The following UBE3B variants were observed in gnomAD, a reference collection of about 807,000 sequenced individuals.
UBE3B encodes the protein ubiquitin-protein ligase E3B.
In UBE3B, 80 loss-of-function variants were observed where a neutral mutation model predicts 132.3. The ratio of observed to expected loss-of-function variants is 0.60; its 90% confidence interval spans 0.50 to 0.73. The LOEUF is 0.73. UBE3B is among the 30% of genes least tolerant of loss of function. The probability of loss-of-function intolerance (pLI) is 0.00; values close to 1 mark genes in which losing one functional copy is unlikely to be tolerated. For missense variants in UBE3B, 1,196 were observed against 1,362.5 expected (o/e 0.88, Z 1.92); for synonymous variants, 487 against 520.4 (o/e 0.94, Z 0.87).
rs549733925 is a variant in UBE3B, at chr12:109,528,495, G to A, written c.2628-1395G>A. ...TTTAGCATTGTAAAACATTTATTTG[G>A]ACTCTACTGATTTGGAATTGGTGAG... On this transcript the variant is annotated intron_variant, in intron 24 of 27. Coordinates refer to ENST00000342494, the MANE Select transcript of UBE3B (RefSeq NM_130466.4). 7.1e-6 allele frequency: 7 copies of A among 985,066 alleles called. No individual in the cohort carries two copies. In the African/African-American group the frequency reaches 8.7e-5, roughly 12 times the overall value. 61.0% of individuals were successfully genotyped at this position (985,066 alleles called of 1,614,324 possible).
the UBE3B span, among the ~76,000 whole-genome samples, chr12:109,547,238 C>T: frequency 6.6e-6 from 1 of 152,232 alleles, no homozygotes; most frequent in Admixed American, 6.5e-5. This position sits in a 1 kb window ranked among gnomAD's most constrained non-coding sequence, Gnocchi z 4.1. Flanking sequence ...ATTCAGATTC[C>T]AGAACTAGAC....
Position 109,499,810 on chromosome 12 carries a change from GGTGAGTCCCAGAT to G in UBE3B, c.1118+2_1118+14del. 6.3e-7 allele frequency: 1 copy of G among 1,595,302 alleles called. No homozygotes were observed. Among genetic ancestry groups the G allele is most frequent in the Non-Finnish European group, 8.5e-7 (1 of 1,169,672 alleles). On this transcript the variant is annotated splice_donor_variant and splice_donor_5th_base_variant and intron_variant, in intron 12 of 27. Coordinates refer to ENST00000342494, the MANE Select transcript of UBE3B (RefSeq NM_130466.4). LOFTEE classifies it high-confidence loss of function. The stretch of plus-strand genomic sequence containing the variant: ...TGGTTCTCCCAATCTGTGGATTATG[GGTGAGTCCCAGAT>G]GCAAATCACTGTCTTTCCTGCCTCT...
rs376752676 is a variant in UBE3B, at chr12:109,483,683, C to T, written c.132C>T (p.Leu44=). 4.3e-6 allele frequency: 7 copies of T among 1,609,540 alleles called. No homozygotes were observed. Among genetic ancestry groups the T allele is most frequent in the Non-Finnish European group, 5.9e-6 (7 of 1,178,220 alleles). Residue 44 remains leucine (L), a synonymous_variant, in exon 3 of 28, where the codon CTC becomes CTT. Transcript: ENST00000342494. ...TCCAGGCCCATGTCCGGAGTTTTCT[C>T]TGTCGGAGTCGACTGCAGAGAGATA... The part of the protein sequence containing the change: ...VVIQAHVRSF[L]CRSRLQRDIR...
At chr12:109,488,452 C>G (rs971487441) in intron 6 of UBE3B, 120 bp from the exon 7 acceptor site, 1 of 899,912 alleles carries the variant, frequency 1.1e-6, no homozygotes, top group Non-Finnish European at 1.8e-6. Context: ...TTAAGACTGA[C>G]TTATAATCCT....
chr12:109,495,571 G>A (rs1200335388), intron 9 of UBE3B, among the ~76,000 whole-genome samples: 1 of 152,186 alleles, frequency 6.6e-6, no homozygotes, highest in East Asian at 1.9e-4. Flanking sequence ...TGTGGAGTAG[G>A]AAATCAGGGG....
chr12:109,498,214 G>A lies in UBE3B; in HGVS notation c.820-19G>A, dbSNP rs538009402. The A allele has an allele frequency of 7.1e-5, 115 of 1,612,738 alleles. No homozygotes were observed. Among genetic ancestry groups the A allele is most frequent in the Non-Finnish European group, 8.5e-5 (100 of 1,179,408 alleles). ...TGTTTCTGGCAGTTTCTGATTTAAC[G>A]GTCTGCTATTCTTTGCAGCGCCTCA... On this transcript the variant is annotated intron_variant, in intron 10 of 27. Coordinates refer to ENST00000342494, the MANE Select transcript of UBE3B (RefSeq NM_130466.4).
intron 1 of UBE3B, among the ~76,000 whole-genome samples, chr12:109,481,387 T>C (rs1297110731): frequency 6.6e-6 from 1 of 152,202 alleles, no homozygotes; most frequent in Non-Finnish European, 1.5e-5. Flanking sequence ...CTAAGTTATT[T>C]TGCTTCCCAT....
rs1016008576 is a variant in UBE3B, at chr12:109,534,884, T to C, written c.*102T>C. The C allele has an allele frequency of 7.6e-6, 8 of 1,058,928 alleles. No homozygotes were observed. Among genetic ancestry groups the C allele is most frequent in the East Asian group, 5.5e-5 (2 of 36,538 alleles). The allele number at this position is 1,058,928 out of a possible 1,614,324, so 65.6% of individuals were successfully genotyped here. On this transcript the variant is annotated 3_prime_UTR_variant, in exon 28 of 28. Coordinates refer to ENST00000342494, the MANE Select transcript of UBE3B (RefSeq NM_130466.4). The surrounding 1 kb of genome is among the most constrained non-coding windows in gnomAD (Gnocchi z 5.2). Reference sequence around the variant, plus strand: ...AATGTGACCAACATGCCAGGTGACATTGGCCCCTAGACCCTCTCTATAGCC... The same window carrying C: ...AATGTGACCAACATGCCAGGTGACACTGGCCCCTAGACCCTCTCTATAGCC...
chr12:109,477,680 G>T lies in UBE3B; in HGVS notation c.-557G>T. 1 of 202,144 alleles carries T rather than the reference G, an allele frequency of 4.9e-6. No homozygotes were observed. Among genetic ancestry groups the T allele is most frequent in the South Asian group, 6.7e-5 (1 of 14,868 alleles). 12.5% of individuals were successfully genotyped at this position (202,144 alleles called of 1,614,324 possible). Reference sequence around the variant, plus strand: ...CGGTAGTGCGTCGGCTGCTGCCCCGGGTCTGGCAGAACTCGGGTGTTTTGG... The same window carrying T: ...CGGTAGTGCGTCGGCTGCTGCCCCGTGTCTGGCAGAACTCGGGTGTTTTGG... On this transcript the variant is annotated 5_prime_UTR_variant, in exon 1 of 28. Transcript: ENST00000342494.
chr12:109,547,789 C>T, the UBE3B span, among the ~76,000 whole-genome samples: 7 of 152,030 alleles, frequency 4.6e-5, no homozygotes, highest in Admixed American at 3.3e-4. This position sits in a 1 kb window ranked among gnomAD's most constrained non-coding sequence, Gnocchi z 4.1. Context: ...GCGCGTGCTC[C>T]CTTATTGCAA....
chr12:109,539,968 A>G (rs552406939), downstream of UBE3B, among the ~76,000 whole-genome samples: 7 of 151,690 alleles, frequency 4.6e-5, no homozygotes, highest in South Asian at 1.1e-3. Flanking sequence ...GCATACTGGG[A>G]TGGGGTCTGT....
In UBE3B at chr12:109,521,668, G is replaced by C; in HGVS notation, c.2364+117G>C. 1 of 939,410 alleles carries C rather than the reference G, an allele frequency of 1.1e-6. No individual in the cohort carries two copies. The highest frequency in any genetic ancestry group is 1.5e-6 in the Non-Finnish European group (1 of 654,670). 58.2% of individuals were successfully genotyped at this position (939,410 alleles called of 1,614,324 possible). A position where few individuals can be genotyped will look rare whatever the true frequency, so the allele number is the denominator to read the frequency against. On this transcript the variant is annotated intron_variant, in intron 21 of 27. Coordinates refer to ENST00000342494, the MANE Select transcript of UBE3B (RefSeq NM_130466.4). The surrounding 1 kb of genome is among the most constrained non-coding windows in gnomAD (Gnocchi z 4.2). ...TGTAAACTGTCACTAGGATACAAGC[G>C]AGGACAGGGGCAGGAACCAAGGTTT...
chr12:109,547,672 G>A, the UBE3B span, among the ~76,000 whole-genome samples: 3 of 152,140 alleles, frequency 2.0e-5, no homozygotes, highest in African/African-American at 4.8e-5. This position sits in a 1 kb window ranked among gnomAD's most constrained non-coding sequence, Gnocchi z 4.1. Flanking sequence ...AACCCACAGC[G>A]AAACCACGTT....
At chr12:109,507,477 AGT>A in intron 14 of UBE3B, 85 bp from the exon 15 acceptor site, 5 of 1,401,528 alleles carry the variant, frequency 3.6e-6, no homozygotes, top group Non-Finnish European at 4.9e-6. Context: ...GATAGGTTTA[AGT>A]GTTTTGTTTC....
At chr12:109,484,214 A>G (rs1290125213) in intron 4 of UBE3B, among the ~76,000 whole-genome samples, 8 of 152,074 alleles carry the variant, frequency 5.3e-5, no homozygotes, top group African/African-American at 1.7e-4. Flanking sequence ...TGCAAGAGTC[A>G]GGAAGTTTAG....
At chr12:109,532,163 C>G (rs919262779) in intron 26 of UBE3B, among the ~76,000 whole-genome samples, 1 of 152,162 alleles carries the variant, frequency 6.6e-6, no homozygotes, top group African/African-American at 2.4e-5. Context: ...CAGACCTGAG[C>G]CGGCCTAAAT....
chr12:109,510,850 C>G (rs1014517835), intron 17 of UBE3B, among the ~76,000 whole-genome samples: 1 of 152,130 alleles, frequency 6.6e-6, no homozygotes, highest in Non-Finnish European at 1.5e-5. Context: ...GGGAAATCCT[C>G]CTATCACAAC....
chr12:109,512,620 A>G (rs1313355190), intron 18 of UBE3B, among the ~76,000 whole-genome samples: 1 of 152,184 alleles, frequency 6.6e-6, no homozygotes, highest in Non-Finnish European at 1.5e-5. Flanking sequence ...TTTAGAAAAG[A>G]GCATAAATCA....
intron 1 of UBE3B, among the ~76,000 whole-genome samples, chr12:109,478,651 GGCGC>G (rs990599415): frequency 4.3e-4 from 66 of 152,128 alleles, no homozygotes; most frequent in African/African-American, 1.5e-3. Context: ...CGTGGTGGCG[GGCGC>G]CTTTAATCCC....
Sources: gnomAD v4.1 joint callset for allele counts (sites outside exome capture counted in the v4.1 genomes callset) on GRCh38, gnomAD v4.1.1 for gene constraint, Gnocchi (gnomAD v3.1) non-coding constraint, MANE v1.5 for transcripts, NCBI Gene and HGNC (gene_info 2026-07-23, HGNC 2026-07-21) for gene names.